Variants in GRIK3 observed in about 807,000 individuals in gnomAD.
GRIK3 encodes the protein glutamate receptor ionotropic, kainate 3.
Under a neutral mutation model 102.5 loss-of-function variants are expected in GRIK3, and 29 were observed. That is an observed-to-expected ratio of 0.28 (90% CI 0.21 to 0.39). GRIK3 has a LOEUF of 0.39. Ranked by LOEUF, GRIK3 falls within the 10% of genes least tolerant of loss-of-function variation. GRIK3 has a pLI of 1.00. For missense variants in GRIK3, 908 were observed against 1,252.4 expected (o/e 0.73, Z 4.15); for synonymous variants, 511 against 504.9 (o/e 1.01, Z -0.16).
At chr1:37,029,080 G>A (rs1472474457) in intron 1 of GRIK3, among the ~76,000 whole-genome samples, 4 of 151,148 alleles carry the variant, frequency 2.6e-5, no homozygotes, top group African/African-American at 4.9e-5. Flanking sequence ...TGCGGTGGCC[G>A]TCTCAGCACA....
chr1:36,882,291 TC>T (rs879305167), intron 2 of GRIK3, among the ~76,000 whole-genome samples: 8 of 152,162 alleles, frequency 5.3e-5, no homozygotes, highest in African/African-American at 1.7e-4. Flanking sequence ...CTTGCAGAGG[TC>T]CAAAAACTCA....
chr1:36,823,752 T>C (rs1169876136), intron 11 of GRIK3, among the ~76,000 whole-genome samples: 2 of 152,198 alleles, frequency 1.3e-5, no homozygotes, highest in African/African-American at 4.8e-5. Context: ...TTTGTCATCC[T>C]TGATATAAAG....
intron 1 of GRIK3, among the ~76,000 whole-genome samples, chr1:36,953,890 G>A (rs1264431897): frequency 6.6e-6 from 1 of 152,130 alleles, no homozygotes; most frequent in Non-Finnish European, 1.5e-5. Flanking sequence ...CAAATCAATG[G>A]CTTGATTGAG....
chr1:36,918,471 C>A (rs375155443), intron 1 of GRIK3, among the ~76,000 whole-genome samples: 1 of 152,236 alleles, frequency 6.6e-6, no homozygotes, highest in Non-Finnish European at 1.5e-5. Flanking sequence ...GACAAAGTAT[C>A]TGATCCCTTC....
chr1:36,822,660 TGGA>T (rs1459110168), intron 11 of GRIK3, among the ~76,000 whole-genome samples: 1 of 152,066 alleles, frequency 6.6e-6, no homozygotes, highest in East Asian at 1.9e-4. Context: ...AGCTGGAGTG[TGGA>T]GGAGGAGACA....
chr1:36,833,645 G>T (rs1227295394), intron 10 of GRIK3, among the ~76,000 whole-genome samples: 4 of 152,256 alleles, frequency 2.6e-5, no homozygotes, highest in African/African-American at 9.6e-5. Flanking sequence ...CAGAACCAAG[G>T]TCTAGTTCCT....
At chr1:36,972,795 C>T (rs1443335087) in intron 1 of GRIK3, among the ~76,000 whole-genome samples, 1 of 152,164 alleles carries the variant, frequency 6.6e-6, no homozygotes, top group African/African-American at 2.4e-5. Context: ...TGTCCCTCAG[C>T]AAGCTGGGAG....
At chr1:36,994,154 T>A (rs1455775401) in intron 1 of GRIK3, among the ~76,000 whole-genome samples, 1 of 152,188 alleles carries the variant, frequency 6.6e-6, no homozygotes, top group African/African-American at 2.4e-5. Context: ...GGGGTCAACA[T>A]AGATCAGGGT....
chr1:36,877,976 G>A (rs1640927939), intron 3 of GRIK3, among the ~76,000 whole-genome samples: 1 of 152,204 alleles, frequency 6.6e-6, no homozygotes, highest in Non-Finnish European at 1.5e-5. Flanking sequence ...AAGAAGACAG[G>A]ATAACAACAT....
At chr1:36,999,384 T>C (rs747227889) in intron 1 of GRIK3, among the ~76,000 whole-genome samples, 5 of 151,906 alleles carry the variant, frequency 3.3e-5, no homozygotes, top group Non-Finnish European at 5.9e-5. Context: ...GGGAGCCGGG[T>C]TGGGGAGCCA....
intron 7 of GRIK3, among the ~76,000 whole-genome samples, chr1:36,856,571 C>T (rs961194483): frequency 1.3e-5 from 2 of 152,162 alleles, no homozygotes; most frequent in Non-Finnish European, 2.9e-5. Context: ...GTGCTGGGGT[C>T]GGGCAGGCAT....
At chr1:37,023,957 A>C (rs898512581) in intron 1 of GRIK3, among the ~76,000 whole-genome samples, 1 of 152,262 alleles carries the variant, frequency 6.6e-6, no homozygotes, top group African/African-American at 2.4e-5. Flanking sequence ...GATAAATGAT[A>C]GGTTCTGCCT....
At chr1:36,929,956 G>GTGGCGC (rs1396627489) in intron 1 of GRIK3, among the ~76,000 whole-genome samples, 1 of 152,256 alleles carries the variant, frequency 6.6e-6, no homozygotes, top group Non-Finnish European at 1.5e-5. Context: ...GGCTGGCACA[G>GTGGCGC]TGGCGCTCGC....
intron 1 of GRIK3, among the ~76,000 whole-genome samples, chr1:36,921,264 C>G (rs1377158951): frequency 6.6e-6 from 1 of 152,230 alleles, no homozygotes; most frequent in Non-Finnish European, 1.5e-5. Context: ...AGAGGCCAAC[C>G]AAGTAGGCTC....
At chr1:36,814,570 CCAGA>C (rs1642602798) in intron 13 of GRIK3, among the ~76,000 whole-genome samples, 1 of 144,646 alleles carries the variant, frequency 6.9e-6, no homozygotes, top group African/African-American at 2.6e-5. Flanking sequence ...ACACATACAT[CCAGA>C]CATATATACA....
intron 4 of GRIK3, among the ~76,000 whole-genome samples, chr1:36,871,310 G>T (rs1203390555): frequency 1.3e-5 from 2 of 152,144 alleles, no homozygotes; most frequent in African/African-American, 4.8e-5. Context: ...CCCCCGATGG[G>T]GCCCAACTGG....
chr1:36,820,913 G>A (rs1218363131), intron 11 of GRIK3, among the ~76,000 whole-genome samples: 3 of 152,300 alleles, frequency 2.0e-5, no homozygotes, highest in African/African-American at 7.2e-5. Flanking sequence ...GTGAGTTCCA[G>A]TTGAGGATAT....
intron 10 of GRIK3, among the ~76,000 whole-genome samples, chr1:36,839,390 T>C (rs1321205951): frequency 6.6e-6 from 1 of 152,192 alleles, no homozygotes; most frequent in Non-Finnish European, 1.5e-5. Flanking sequence ...TAGAAGCTGC[T>C]TCCCCACCAG....
chr1:36,891,221 T>G, intron 1 of GRIK3, 125 bp from the exon 2 acceptor site: 1 of 660,236 alleles, frequency 1.5e-6, no homozygotes, highest in Non-Finnish European at 2.6e-6. Flanking sequence ...ATATCCTAGG[T>G]AACTGCCATA....
Sources: allele counts gnomAD v4.1 joint callset (sites outside exome capture counted in the v4.1 genomes callset), GRCh38; gene constraint gnomAD v4.1.1; transcripts MANE v1.5; gene names NCBI Gene and HGNC (gene_info 2026-07-23, HGNC 2026-07-21).